The following MYH2 variants were observed in gnomAD, a reference collection of about 807,000 sequenced individuals.
The protein encoded by MYH2 is myosin-2.
Under a neutral mutation model 228.1 loss-of-function variants are expected in MYH2, and 139 were observed. That is an observed-to-expected ratio of 0.61 (90% CI 0.53 to 0.70). The LOEUF is 0.70. MYH2 is among the 30% of genes least tolerant of loss of function. The pLI is 0.00. For missense variants in MYH2, 1,809 were observed against 2,357.5 expected (o/e 0.77, Z 4.82); for synonymous variants, 796 against 871.1 (o/e 0.91, Z 1.52).
intron 19 of MYH2, 173 bp downstream of exon 19, chr17:10,534,900 G>T: frequency 1.2e-6 from 1 of 814,208 alleles, no homozygotes; most frequent in Admixed American, 2.1e-5. Flanking sequence ...CTGGGTGACA[G>T]AGCAAGACTT....
chr17:10,544,244 T>C, intron 5 of MYH2, 117 bp from the exon 6 acceptor site: 1 of 1,314,222 alleles, frequency 7.6e-7, no homozygotes, highest in Non-Finnish European at 1.1e-6. Flanking sequence ...CCTTTAGGGC[T>C]TGGCAGGCTT....
rs2073391026 is a variant in MYH2, at chr17:10,529,048, T to A, written c.3386A>T (p.Glu1129Val). ...ARIEELEEEI[E>V]AERASRAKAE... is the part of the protein sequence containing the mutation. ...TTTGGCCCGGGAGGCCCGCTCTGCC[T>A]CGATTTCCTCCTCCAGCTCCTCAAT... Residue 1129 changes from glutamate to valine, a missense_variant, in exon 27 of 40, where the codon GAG (glutamate) becomes GTG (valine). Glu to Val is a moderately radical substitution (Grantham distance 121). Around this residue, in one of 9 missense-constraint regions of MYH2, gnomAD observed 636 missense variants for 729.9 expected, o/e 0.87. Coordinates refer to ENST00000245503, the MANE Select transcript of MYH2 (RefSeq NM_017534.6). 6.2e-7 allele frequency: 1 copy of A among 1,614,224 alleles called. No individual in the cohort carries two copies. The highest frequency in any genetic ancestry group is 1.7e-5 in the Admixed American group (1 of 60,020).
At chr17:10,540,123 A>G (rs1174287077) in intron 11 of MYH2, 57 bp from the exon 12 acceptor site, 1 of 1,607,470 alleles carries the variant, frequency 6.2e-7, no homozygotes, top group Admixed American at 1.7e-5. Context: ...CTTACTGTTA[A>G]TACTGCACAT....
At chr17:10,534,219 C>G (rs538213000) in intron 19 of MYH2, among the ~76,000 whole-genome samples, 1 of 152,288 alleles carries the variant, frequency 6.6e-6, no homozygotes, top group Non-Finnish European at 1.5e-5. Context: ...ACCTGAGGAA[C>G]AGTCATTGTG....
rs974760187 is a variant in MYH2, at chr17:10,537,993, T to C, written c.1417-158A>G. ...ACTTTGAAATAAAAGGTGAAAAGTA[T>C]GGAAGGTTTGAGGGCATGTGGAAGC... On this transcript the variant is annotated intron_variant, in intron 14 of 39. Coordinates refer to ENST00000245503, the MANE Select transcript of MYH2 (RefSeq NM_017534.6). The surrounding 1 kb of genome is among the most constrained non-coding windows in gnomAD (Gnocchi z 4.0). The C allele has an allele frequency of 1.4e-6, 2 of 1,389,014 alleles. No homozygotes were observed. Among genetic ancestry groups the C allele is most frequent in the Non-Finnish European group, 1.9e-6 (2 of 1,028,438 alleles). The allele number at this position is 1,389,014 out of a possible 1,614,324, so 86.0% of individuals were successfully genotyped here. A position where few individuals can be genotyped will look rare whatever the true frequency, so the allele number is the denominator to read the frequency against.
intron 8 of MYH2, among the ~76,000 whole-genome samples, chr17:10,543,510 G>A (rs2073585123): frequency 6.7e-6 from 1 of 150,020 alleles, no homozygotes; most frequent in East Asian, 2.0e-4. Flanking sequence ...TGTAGATCAT[G>A]ACAGATAAGA....
Position 10,526,595 on chromosome 17 carries a change from A to C in MYH2, c.4187+4T>G, listed in dbSNP as rs1344096851. 2.5e-6 allele frequency: 4 copies of C among 1,613,868 alleles called. No individual in the cohort carries two copies. The highest frequency in any genetic ancestry group is 3.4e-6 in the Non-Finnish European group (4 of 1,179,872). On this transcript the variant is annotated splice_donor_region_variant and intron_variant, in intron 30 of 39. Transcript: ENST00000245503. ...TGCTCATTCTCTCATATCTGTGCAC[A>C]TACTTGGCCTCCTCCAGCTCCTCTG... is the stretch of plus-strand genomic sequence containing the variant.
In MYH2 at chr17:10,521,437, G is replaced by A; in HGVS notation, c.5674-5C>T. The A allele has an allele frequency of 1.2e-6, 2 of 1,613,814 alleles. No homozygotes were observed. Among genetic ancestry groups the A allele is most frequent in the Non-Finnish European group, 1.7e-6 (2 of 1,179,766 alleles). Reference sequence around the variant, plus strand: ...ATTGGTGTTGGATTGTTCCTCCTGAGAATAAAAATGGAATTGTAAGGAACT... The same window carrying A: ...ATTGGTGTTGGATTGTTCCTCCTGAAAATAAAAATGGAATTGTAAGGAACT... On this transcript the variant is annotated splice_region_variant and splice_polypyrimidine_tract_variant and intron_variant, in intron 39 of 39. Coordinates refer to ENST00000245503, the MANE Select transcript of MYH2 (RefSeq NM_017534.6).
At chr17:10,523,003 G>A in intron 39 of MYH2, 87 bp downstream of exon 39, 1 of 902,980 alleles carries the variant, frequency 1.1e-6, no homozygotes, top group Non-Finnish European at 1.8e-6. Context: ...GCATGCAGTA[G>A]TCTTTAAAGC....
At position 10,529,031 on chromosome 17, in the gene MYH2, G is replaced by A. The variant is rs200134368; in HGVS notation, c.3403C>T (p.Arg1135Trp). The change falls in exon 27 of 40, where the codon CGG (arginine) becomes TGG (tryptophan). Residue 1135 changes from arginine (R) to tryptophan (W), a missense_variant. By Grantham distance (101) the Arg-to-Trp change is moderately radical. This residue lies in a region of MYH2 where 636 missense variants were observed against 729.9 expected (regional missense o/e 0.87). Coordinates refer to ENST00000245503, the MANE Select transcript of MYH2 (RefSeq NM_017534.6). ...GAGCGCTGCTTCTCTGCTTTGGCCC[G>A]GGAGGCCCGCTCTGCCTCGATTTCC... Reference protein sequence around the residue: ...EEEIEAERASRAKAEKQRSDL... With the variant: ...EEEIEAERASWAKAEKQRSDL... The A allele has an allele frequency of 1.8e-4, 293 of 1,614,200 alleles. No homozygotes were observed. The East Asian group carries it at 5.0e-3, about 28-fold the overall frequency.
chr17:10,546,099 A>G (rs2073625304), intron 4 of MYH2, among the ~76,000 whole-genome samples: 1 of 151,828 alleles, frequency 6.6e-6, no homozygotes, highest in Non-Finnish European at 1.5e-5. Flanking sequence ...GACATAAGCT[A>G]AGTGGCCAAC....
At position 10,543,863 on chromosome 17, in the gene MYH2, C is replaced by T. The variant is rs984119392; in HGVS notation, c.648+39G>A. On this transcript the variant is annotated intron_variant, in intron 7 of 39. Coordinates refer to ENST00000245503, the MANE Select transcript of MYH2 (RefSeq NM_017534.6). ...TTGGGAATTTCCTACCTGAGAGTCC[C>T]GACAGAGTCTGGATTCTGACTGTGA... is the stretch of plus-strand genomic sequence containing the variant. 7.4e-6 allele frequency: 12 copies of T among 1,613,796 alleles called. No homozygotes were observed. The African/African-American group carries it at 1.2e-4, about 16-fold the overall frequency.
At chr17:10,528,206 G>C (rs1455888158) in intron 27 of MYH2, among the ~76,000 whole-genome samples, 1 of 151,736 alleles carries the variant, frequency 6.6e-6, no homozygotes, top group Non-Finnish European at 1.5e-5. Context: ...ACCACACTTG[G>C]TTGACTTTTC....
At chr17:10,522,097 G>T (rs1478454399) in intron 39 of MYH2, among the ~76,000 whole-genome samples, 1 of 152,112 alleles carries the variant, frequency 6.6e-6, no homozygotes. Flanking sequence ...GCAGGTTTTG[G>T]TATGAGGGTT....
Position 10,537,371 on chromosome 17 carries a change from C to G in MYH2, c.1759G>C (p.Gly587Arg). The G allele has an allele frequency of 6.2e-7, 1 of 1,614,166 alleles. No individual in the cohort carries two copies. The highest frequency in any genetic ancestry group is 8.5e-7 in the Non-Finnish European group (1 of 1,180,038). ...CCAGTAATGTTGTAGTCCACAACAC[C>G]AGCATAGTGAATCAGAGCGAAGTGG... ...EAHFALIHYA[G>R]VVDYNITGWL... Residue 587 changes from glycine (G) to arginine (R), a missense_variant, in exon 16 of 40, where the codon GGT (glycine) becomes CGT (arginine). This residue lies in a region of MYH2 where 41 missense variants were observed against 35.1 expected (regional missense o/e 1.17). Transcript: ENST00000245503. This position sits in a 1 kb window ranked among gnomAD's most constrained non-coding sequence, Gnocchi z 4.0.
At position 10,524,250 on chromosome 17, in the gene MYH2, G is replaced by A. The variant is rs572857435; in HGVS notation, c.5175+216C>T. 4.6e-5 allele frequency among the ~76,000 whole-genome samples: 7 copies of A among 152,200 alleles called. No individual in the cohort carries two copies. In the South Asian group the frequency reaches 6.2e-4, roughly 14 times the overall value. On this transcript the variant is annotated intron_variant, in intron 35 of 39. Coordinates refer to ENST00000245503, the MANE Select transcript of MYH2 (RefSeq NM_017534.6). This position sits in a 1 kb window ranked among gnomAD's most constrained non-coding sequence, Gnocchi z 4.7. ...TAAAGATATTAACACAATAGAATAC[G>A]GGGGCAGCCTTAGAATATTATATGA...
In MYH2 at chr17:10,547,771, C is replaced by G. The variant is rs776510901; in HGVS notation, c.150G>C (p.Gly50=). The G allele has an allele frequency of 6.2e-7, 1 of 1,614,108 alleles. No individual in the cohort carries two copies. Among genetic ancestry groups the G allele is most frequent in the African/African-American group, 1.3e-5 (1 of 74,948 alleles). Residue 50 remains glycine (G), a synonymous_variant, in exon 3 of 40, where the codon GGG becomes GGC. Coordinates refer to ENST00000245503, the MANE Select transcript of MYH2 (RefSeq NM_017534.6). Reference sequence around the variant, plus strand: ...TTCCTCCTTCTCTGCTCTGGATGGTCCCTTTGACAAAGGATTCTTTGGGCT... The same window carrying G: ...TTCCTCCTTCTCTGCTCTGGATGGTGCCTTTGACAAAGGATTCTTTGGGCT... ...VAEPKESFVK[G]TIQSREGGKV... is the part of the protein sequence containing the mutation.
At chr17:10,546,953 T>C (rs562901930) in intron 4 of MYH2, among the ~76,000 whole-genome samples, 6 of 148,272 alleles carry the variant, frequency 4.0e-5, no homozygotes, top group Non-Finnish European at 7.4e-5. Context: ...TAGCCGGGCA[T>C]GGTGGCACAT....
Position 10,542,938 on chromosome 17 carries a change from T to G in MYH2, c.841A>C (p.Lys281Gln). 1 of 1,612,914 alleles carries G rather than the reference T, an allele frequency of 6.2e-7. No homozygotes were observed. Residue 281 changes from lysine to glutamine, a missense_variant, in exon 10 of 40, where the codon AAG (lysine) becomes CAG (glutamine). Physicochemically the swap from Lys to Gln is moderately conservative, Grantham distance 53. This residue lies in a region of MYH2 where 373 missense variants were observed against 620.4 expected (regional missense o/e 0.60). Transcript: ENST00000245503. ...LEKSRVVFQL[K>Q]AERSYHIFYQ... ...AAAATATGATAACTTCTCTCAGCCT[T>G]AAGCTGGAAAACAACTCTAGACTTC...
Sources: gnomAD v4.1 joint callset for allele counts (sites outside exome capture counted in the v4.1 genomes callset) on GRCh38, gnomAD v4.1.1 for gene constraint, gnomAD v4.1.1 regional missense constraint, Gnocchi (gnomAD v3.1) non-coding constraint, MANE v1.5 for transcripts, NCBI Gene and HGNC (gene_info 2026-07-23, HGNC 2026-07-21) for gene names.